PLEKHA5: variants seen among roughly 807,000 people sequenced by gnomAD.
PLEKHA5 encodes the protein pleckstrin homology domain-containing family A member 5.
In PLEKHA5, 55 loss-of-function variants were observed where a neutral mutation model predicts 181.9. That is an observed-to-expected ratio of 0.30 (90% confidence interval 0.24 to 0.38). The LOEUF is 0.38. Ranked by LOEUF, PLEKHA5 falls within the 10% of genes least tolerant of loss-of-function variation. The pLI, the probability that PLEKHA5 is intolerant of heterozygous loss-of-function variation, is 1.00. For missense variants in PLEKHA5, 1,432 were observed against 1,549.5 expected (o/e 0.92, Z 1.27); for synonymous variants, 535 against 529.4 (o/e 1.01, Z -0.15).
chr12:19,287,434 A>T, intron 12 of PLEKHA5, 39 bp from the exon 13 acceptor site: 1 of 1,261,994 alleles, frequency 7.9e-7, no homozygotes, highest in East Asian at 2.3e-5. Context: ...GAAAAAAAAA[A>T]CTTTACCACA....
In PLEKHA5 at chr12:19,284,824, T is replaced by C. The variant is rs532311359; in HGVS notation, c.1779+1079T>C. Among the ~76,000 whole-genome samples the C allele has an allele frequency of 1.5e-4, 23 of 152,224 alleles. No homozygotes were observed. The South Asian group carries it at 4.4e-3, about 29-fold the overall frequency. On this transcript the variant is annotated intron_variant, in intron 12 of 31. Transcript: ENST00000429027. ...GGCTCACACCTGTATTCCCAACACTTTGGGGAGCCAAGGCCATAGGATCAC... is the reference window on the plus strand; with the variant it reads ...GGCTCACACCTGTATTCCCAACACTCTGGGGAGCCAAGGCCATAGGATCAC...
At chr12:19,271,552 T>C (rs1300024095) in intron 10 of PLEKHA5, among the ~76,000 whole-genome samples, 3 of 152,130 alleles carry the variant, frequency 2.0e-5, no homozygotes, top group Admixed American at 2.0e-4. Context: ...AAGCAAAATT[T>C]TTAGGAAATT....
At chr12:19,246,179 C>G (rs1003612704) in intron 3 of PLEKHA5, among the ~76,000 whole-genome samples, 2 of 151,532 alleles carry the variant, frequency 1.3e-5, no homozygotes, top group Non-Finnish European at 1.5e-5. Context: ...GGGGTTTCAC[C>G]GTGTTAGCCA....
intron 10 of PLEKHA5, among the ~76,000 whole-genome samples, chr12:19,272,721 G>A (rs538597016): frequency 2.0e-5 from 3 of 152,084 alleles, no homozygotes; most frequent in South Asian, 2.1e-4. Context: ...TGGGTTATAC[G>A]GCAAGAGACC....
chr12:19,311,848 T>C (rs2086663610), intron 15 of PLEKHA5, among the ~76,000 whole-genome samples: 1 of 152,212 alleles, frequency 6.6e-6, no homozygotes, highest in Non-Finnish European at 1.5e-5. Flanking sequence ...GTATCCAGAA[T>C]GGTGAATTCT....
intron 20 of PLEKHA5, among the ~76,000 whole-genome samples, chr12:19,333,858 C>G (rs1053885252): frequency 6.6e-6 from 1 of 152,096 alleles, no homozygotes; most frequent in African/African-American, 2.4e-5. Flanking sequence ...ATCCCCCTGC[C>G]TCAGCCTCCC....
At position 19,365,948 on chromosome 12, in the gene PLEKHA5, A is replaced by C. The variant is rs185368349; in HGVS notation, c.3609-16A>C. The C allele has an allele frequency of 4.9e-5, 77 of 1,569,472 alleles. No individual in the cohort carries two copies. The highest frequency in any genetic ancestry group is 1.1e-4 in the Admixed American group (5 of 46,680). ...CTATAGTGACAAATTTTTAAATACCAATCTATTTTCATCAGCCCTCAAGAT... is the reference window on the plus strand; with the variant it reads ...CTATAGTGACAAATTTTTAAATACCCATCTATTTTCATCAGCCCTCAAGAT... On this transcript the variant is annotated splice_polypyrimidine_tract_variant and intron_variant, in intron 29 of 31. Transcript: ENST00000429027.
intron 3 of PLEKHA5, among the ~76,000 whole-genome samples, chr12:19,230,708 G>A (rs1005712874): frequency 2.6e-5 from 4 of 152,192 alleles, no homozygotes; most frequent in South Asian, 2.1e-4. Flanking sequence ...CAAGCGCTAC[G>A]TGCACCCCGG....
intron 16 of PLEKHA5, 129 bp downstream of exon 16, chr12:19,315,023 T>C (rs968679611): frequency 1.6e-6 from 1 of 640,140 alleles, no homozygotes. Context: ...TTATGTTTAT[T>C]TGGAAAACCA....
intron 3 of PLEKHA5, among the ~76,000 whole-genome samples, chr12:19,175,358 CA>C (rs1213882501): frequency 6.6e-6 from 1 of 151,978 alleles, no homozygotes; most frequent in Non-Finnish European, 1.5e-5. Context: ...CCAACACATA[CA>C]AAATAGCAAA....
intron 10 of PLEKHA5, among the ~76,000 whole-genome samples, chr12:19,270,771 T>A (rs2072455668): frequency 6.6e-6 from 1 of 152,206 alleles, no homozygotes; most frequent in Non-Finnish European, 1.5e-5. Context: ...ATATCTTATG[T>A]AAGAAAGATG....
At chr12:19,277,158 G>GA (rs398018680) in intron 11 of PLEKHA5, among the ~76,000 whole-genome samples, 2 of 151,804 alleles carry the variant, frequency 1.3e-5, no homozygotes, top group Non-Finnish European at 2.9e-5. Flanking sequence ...GGTCTGGGGG[G>GA]AAAAAAATGA....
At chr12:19,178,947 A>G (rs1010335063) in intron 3 of PLEKHA5, among the ~76,000 whole-genome samples, 1 of 152,208 alleles carries the variant, frequency 6.6e-6, no homozygotes, top group East Asian at 1.9e-4. Context: ...TGTATGTCCT[A>G]GTTGGTTTAT....
intron 3 of PLEKHA5, among the ~76,000 whole-genome samples, chr12:19,225,436 T>C (rs1363016662): frequency 6.6e-6 from 1 of 152,162 alleles, no homozygotes; most frequent in East Asian, 1.9e-4. Flanking sequence ...CTAGAAAATA[T>C]GGGGTTTTAG....
intron 3 of PLEKHA5, among the ~76,000 whole-genome samples, chr12:19,175,979 G>A (rs369872072): frequency 1.2e-3 from 182 of 152,190 alleles, no homozygotes; most frequent in Middle Eastern, 3.4e-3. Context: ...TAAGAAATAC[G>A]TATTAAAAGC....
chr12:19,144,919 C>G (rs1390304432), intron 3 of PLEKHA5, among the ~76,000 whole-genome samples: 1 of 152,088 alleles, frequency 6.6e-6, no homozygotes, highest in Non-Finnish European at 1.5e-5. Context: ...TAGTCTTGAT[C>G]TTTAGTTTAT....
In PLEKHA5 at chr12:19,197,720, GTGTGTGTGTGTGTT is replaced by G. The variant is rs768414073; in HGVS notation, c.228-56218_228-56205del. Among the ~76,000 whole-genome samples, 1,216 of 128,592 alleles carry G rather than the reference GTGTGTGTGTGTGTT, an allele frequency of 9.5e-3. 29 individuals are homozygous for G. Among genetic ancestry groups the G allele is most frequent in the South Asian group, 0.027 (115 of 4,182 alleles). 84.4% of individuals were successfully genotyped at this position (128,592 alleles called of 152,430 possible). On this transcript the variant is annotated intron_variant, in intron 3 of 31. Transcript: ENST00000429027. ...TGTGTGTGTGTGTGTGTGTGTGTGTGTGTGTGTGTGTGTTTAAGTCGCCTCGTTCACTTCCAAGG... is the reference window on the plus strand; with the variant it reads ...TGTGTGTGTGTGTGTGTGTGTGTGTGTAAGTCGCCTCGTTCACTTCCAAGG...
At chr12:19,166,664 T>A (rs2151581274) in intron 3 of PLEKHA5, among the ~76,000 whole-genome samples, 1 of 152,332 alleles carries the variant, frequency 6.6e-6, no homozygotes, top group Non-Finnish European at 1.5e-5. Flanking sequence ...ACTAGTTAAG[T>A]ATCAACTTTC....
Position 19,290,713 on chromosome 12 carries a change from C to G in PLEKHA5, c.1900C>G (p.Arg634Gly), listed in dbSNP as rs746393653. The G allele has an allele frequency of 1.3e-6, 2 of 1,534,660 alleles. No homozygotes were observed. Among genetic ancestry groups the G allele is most frequent in the South Asian group, 1.2e-5 (1 of 83,852 alleles). ...TACGCTGCTGCTAATAAAGCTGAGA[C>G]GGCAGCAAGCCGAACTGAGTAGTAT... ...ELTLLLIKLRRQQAELSSIRE... is the reference protein window; with the variant it reads ...ELTLLLIKLRGQQAELSSIRE... The change falls in exon 14 of 32, where the codon CGG (arginine) becomes GGG (glycine). Residue 634 changes from arginine (R) to glycine (G), a missense_variant. Physicochemically the swap from Arg to Gly is moderately radical, Grantham distance 125 (BLOSUM62 -2). Coordinates refer to ENST00000429027, the MANE Select transcript of PLEKHA5 (RefSeq NM_001256470.2).
Sources: allele counts gnomAD v4.1 joint callset (sites outside exome capture counted in the v4.1 genomes callset), GRCh38; gene constraint gnomAD v4.1.1; transcripts MANE v1.5; gene names NCBI Gene and HGNC (gene_info 2026-07-23, HGNC 2026-07-21).